CHST5: variants seen among roughly 807,000 people sequenced by gnomAD.
The protein encoded by CHST5 is GST4-alpha.
For synonymous variants in CHST5, 313 were observed against 279.2 expected (o/e 1.12, Z -1.21); for missense variants, 637 against 602.1 (o/e 1.06, Z -0.61).
In CHST5 at chr16:75,530,161, G is replaced by A. The variant is rs2080503691; in HGVS notation, c.224C>T (p.Ser75Leu). ...GCTGAAGAGCTGGCCCAAGAAGGATGAGCCCGAGCGCCACGAGGACAGCAC... is the reference window on the plus strand; with the variant it reads ...GCTGAAGAGCTGGCCCAAGAAGGATAAGCCCGAGCGCCACGAGGACAGCAC... ...VLVLSSWRSG[S>L]SFLGQLFSQH... Residue 75 changes from serine to leucine, a missense_variant, in exon 4 of 4, where the codon TCA becomes TTA. Transcript: ENST00000336257. The A allele has an allele frequency of 1.9e-6, 3 of 1,613,480 alleles. No individual in the cohort carries two copies. Among genetic ancestry groups the A allele is most frequent in the Admixed American group, 1.7e-5 (1 of 59,986 alleles).
rs2080514482 is a variant in CHST5 at position 75,530,965 on chromosome 16, C to A, written c.-581G>T. The A allele has an allele frequency of 1.0e-5, 10 of 1,002,928 alleles. No homozygotes were observed. The South Asian group carries it at 2.8e-4, about 28-fold the overall frequency. The allele number at this position is 1,002,928 out of a possible 1,614,324, so 62.1% of individuals were successfully genotyped here. On this transcript the variant is annotated 5_prime_UTR_variant, in exon 4 of 4. Coordinates refer to ENST00000336257, the MANE Select transcript of CHST5 (RefSeq NM_024533.5). ...AGGGAACACGCAGTCATGCCCATAA[C>A]TGAGGATTGCACCTTTTACAAGGTG...
At chr16:75,534,180 C>T (rs975200871) in intron 2 of CHST5, among the ~76,000 whole-genome samples, 5 of 151,522 alleles carry the variant, frequency 3.3e-5, no homozygotes, top group African/African-American at 9.7e-5. Flanking sequence ...GAAACCCCAT[C>T]GCTAAAATTA....
In CHST5 at chr16:75,533,138, A is replaced by G. The variant is rs1470912361; in HGVS notation, c.-1306T>C. 13 of 702,250 alleles carry G rather than the reference A, an allele frequency of 1.9e-5. No individual in the cohort carries two copies. Among genetic ancestry groups the G allele is most frequent in the South Asian group, 8.9e-5 (6 of 67,596 alleles). 43.5% of individuals were successfully genotyped at this position (702,250 alleles called of 1,614,324 possible). A position where few individuals can be genotyped will look rare whatever the true frequency, so the allele number is the denominator to read the frequency against. On this transcript the variant is annotated 5_prime_UTR_variant, in exon 3 of 4. Coordinates refer to ENST00000336257, the MANE Select transcript of CHST5 (RefSeq NM_024533.5). Reference sequence around the variant, plus strand: ...CTTCTTAAGGTGGTTGAATCACTCTATGCCACACAGAGTCTCCAGAAGACC... The same window carrying G: ...CTTCTTAAGGTGGTTGAATCACTCTGTGCCACACAGAGTCTCCAGAAGACC...
Position 75,530,374 on chromosome 16 carries a change from C to G in CHST5, c.11G>C (p.Arg4Thr). 1 of 1,541,990 alleles carries G rather than the reference C, an allele frequency of 6.5e-7. No individual in the cohort carries two copies. Among genetic ancestry groups the G allele is most frequent in the Non-Finnish European group, 8.8e-7 (1 of 1,142,354 alleles). The part of the protein sequence containing the change: MGM[R>T]ARVPKVAHST... ...GTGGGCAACTTTAGGGACCCGGGCCCTCATGCCCATCCCATGCCCCAATTA... is the reference window on the plus strand; with the variant it reads ...GTGGGCAACTTTAGGGACCCGGGCCGTCATGCCCATCCCATGCCCCAATTA... Residue 4 changes from arginine to threonine, a missense_variant, in exon 4 of 4, where the codon AGG becomes ACG. Arg to Thr is a moderately conservative substitution (Grantham distance 71, BLOSUM62 -1). Coordinates refer to ENST00000336257, the MANE Select transcript of CHST5 (RefSeq NM_024533.5).
Position 75,529,432 on chromosome 16 carries a change from G to C in CHST5, c.953C>G (p.Thr318Arg), listed in dbSNP as rs3826107. The C allele has an allele frequency of 4.9e-5, 79 of 1,612,928 alleles. No individual in the cohort carries two copies. Among genetic ancestry groups the C allele is most frequent in the Non-Finnish European group, 1.5e-5 (18 of 1,179,896 alleles). Residue 318 changes from threonine to arginine, a missense_variant, in exon 4 of 4, where the codon ACG (threonine) becomes AGG (arginine). Coordinates refer to ENST00000336257, the MANE Select transcript of CHST5 (RefSeq NM_024533.5). ...GTGGATCCAGGCCTCGAGCTGTGGC[G>C]TGAGGGTCAGGCCGGTGAAGGCGTA... ...ALYAFTGLTL[T>R]PQLEAWIHNI...
chr16:75,533,263 T>G, intron 2 of CHST5, 80 bp from the exon 3 acceptor site: 2 of 701,922 alleles, frequency 2.8e-6, no homozygotes, highest in Non-Finnish European at 5.2e-6. Flanking sequence ...AGCCAGGCCC[T>G]GTGATATGCA....
chr16:75,529,552 G>T lies in CHST5; in HGVS notation c.833C>A (p.Ala278Asp). ...CRSHVRIAEA[A>D]TLKPPPFLRG... ...CAGGAAGGGTGGCGGCTTGAGTGTG[G>T]CGGCCTCGGCGATGCGCACGTGGCT... The change falls in exon 4 of 4, where the codon GCC (alanine) becomes GAC (aspartate). Residue 278 changes from alanine to aspartate, a missense_variant. Transcript: ENST00000336257. The T allele has an allele frequency of 6.2e-7, 1 of 1,609,090 alleles. No homozygotes were observed.
At chr16:75,533,535 C>A (rs548679426) in intron 2 of CHST5, among the ~76,000 whole-genome samples, 48 of 152,198 alleles carry the variant, frequency 3.2e-4, no homozygotes, top group Middle Eastern at 3.4e-3. Flanking sequence ...TTTTTTGATT[C>A]TTTTCTGGGG....
In CHST5 at chr16:75,530,910, T is replaced by C; in HGVS notation, c.-526A>G. ...ACCTGGCTCACAGGATCTGGGGGGA[T>C]TGGGGGGTTATTATAATGAAGATGG... On this transcript the variant is annotated 5_prime_UTR_variant, in exon 4 of 4. Transcript: ENST00000336257. The C allele has an allele frequency of 2.0e-6, 2 of 993,248 alleles. No homozygotes were observed. The highest frequency in any genetic ancestry group is 2.4e-6 in the Non-Finnish European group (2 of 824,602). 61.5% of individuals were successfully genotyped at this position (993,248 alleles called of 1,614,324 possible).
At chr16:75,533,326 T>C (rs909813887) in intron 2 of CHST5, 143 bp from the exon 3 acceptor site, 7 of 676,108 alleles carry the variant, frequency 1.0e-5, no homozygotes, top group Non-Finnish European at 1.9e-5. Context: ...GAGGTAGAAA[T>C]AACCATCCCT....
chr16:75,531,089 G>T lies in CHST5; in HGVS notation c.-705C>A. On this transcript the variant is annotated 5_prime_UTR_variant, in exon 4 of 4. Coordinates refer to ENST00000336257, the MANE Select transcript of CHST5 (RefSeq NM_024533.5). ...TGTAATCCCAGCATTATGGGAGGCCGAGGCGGGCGGATCACGAGGTCAGGA... is the reference window on the plus strand; with the variant it reads ...TGTAATCCCAGCATTATGGGAGGCCTAGGCGGGCGGATCACGAGGTCAGGA... The T allele has an allele frequency of 5.1e-6, 5 of 971,836 alleles. No individual in the cohort carries two copies. The highest frequency in any genetic ancestry group is 6.2e-6 in the Non-Finnish European group (5 of 804,352). 60.2% of individuals were successfully genotyped at this position (971,836 alleles called of 1,614,324 possible).
Position 75,531,320 on chromosome 16 carries a change from CA to C in CHST5, c.-937del, listed in dbSNP as rs370791209. 52,215 of 726,854 alleles carry C rather than the reference CA, an allele frequency of 0.072. 1 individual carries two copies. Among genetic ancestry groups the C allele is most frequent in the Middle Eastern group, 0.09 (131 of 1,454 alleles). 45.0% of individuals were successfully genotyped at this position (726,854 alleles called of 1,614,324 possible). A position where few individuals can be genotyped will look rare whatever the true frequency, so the allele number is the denominator to read the frequency against. On this transcript the variant is annotated 5_prime_UTR_variant, in exon 4 of 4. An upstream open reading frame in the 5' UTR gains an earlier in-frame stop. Coordinates refer to ENST00000336257, the MANE Select transcript of CHST5 (RefSeq NM_024533.5). ...CTGAGTGAAGAGTGAGACTCCGTTT[CA>C]AAAAAAAAAAAAAAAACAACAAAAA...
Position 75,529,944 on chromosome 16 carries a change from C to A in CHST5, c.441G>T (p.Thr147=). Residue 147 remains threonine (T), a synonymous_variant, in exon 4 of 4, where the codon ACG becomes ACT. Coordinates refer to ENST00000336257, the MANE Select transcript of CHST5 (RefSeq NM_024533.5). ...CGGGCGGCGAGCACAGCGCGCGGCT[C>A]GTTGCCCAGTTGAAAAAGGCGGACA... ...RNLSAFFNWA[T]SRALCSPPAC... 1.2e-6 allele frequency: 2 copies of A among 1,613,264 alleles called. No individual in the cohort carries two copies. The highest frequency in any genetic ancestry group is 8.5e-7 in the Non-Finnish European group (1 of 1,179,942).
At position 75,529,773 on chromosome 16, in the gene CHST5, C is replaced by T; in HGVS notation, c.612G>A (p.Gln204=). Residue 204 remains glutamine, a synonymous_variant, in exon 4 of 4, where the codon CAG becomes CAA. Coordinates refer to ENST00000336257, the MANE Select transcript of CHST5 (RefSeq NM_024533.5). The part of the protein sequence containing the change: ...VLKEVRFFNL[Q]VLYPLLSDPA... The stretch of plus-strand genomic sequence containing the variant: ...GGTCGCTGAGCAGCGGGTAGAGCAC[C>T]TGCAGGTTGAAGAAGCGCACCTCCT... 1.2e-6 allele frequency: 2 copies of T among 1,613,742 alleles called. No homozygotes were observed. Among genetic ancestry groups the T allele is most frequent in the South Asian group, 2.2e-5 (2 of 91,088 alleles).
Position 75,529,833 on chromosome 16 carries a change from C to G in CHST5, c.552G>C (p.Arg184=), listed in dbSNP as rs1439455451. ...LCTRQPFSLA[R]EACRSYSHVV... ...CGTGGCTGTAGGAGCGGCAGGCCTC[C>G]CGGGCCAGGCTGAATGGCTGCCGCG... is the stretch of plus-strand genomic sequence containing the variant. Residue 184 remains arginine, a synonymous_variant, in exon 4 of 4, where the codon CGG becomes CGC. Transcript: ENST00000336257. The G allele has an allele frequency of 1.9e-6, 3 of 1,613,658 alleles. No individual in the cohort carries two copies. Among genetic ancestry groups the G allele is most frequent in the Non-Finnish European group, 2.5e-6 (3 of 1,179,924 alleles).
At chr16:75,533,911 G>A (rs985809815) in intron 2 of CHST5, among the ~76,000 whole-genome samples, 2 of 151,156 alleles carry the variant, frequency 1.3e-5, no homozygotes, top group Non-Finnish European at 2.9e-5. Flanking sequence ...CTGGTGGCAG[G>A]TGCCTGTAAT....
In CHST5 at chr16:75,529,530, G is replaced by A. The variant is rs375851697; in HGVS notation, c.855C>T (p.Phe285=). 25 of 1,610,012 alleles carry A rather than the reference G, an allele frequency of 1.6e-5. 1 individual carries two copies. Among genetic ancestry groups the A allele is most frequent in the Admixed American group, 1.2e-4 (7 of 59,930 alleles). Residue 285 remains phenylalanine, a synonymous_variant, in exon 4 of 4, where the codon TTC becomes TTT. Coordinates refer to ENST00000336257, the MANE Select transcript of CHST5 (RefSeq NM_024533.5). ...GCACCAGGCGGTAGCGGCCGCGCAG[G>A]AAGGGTGGCGGCTTGAGTGTGGCGG... ...AEAATLKPPP[F]LRGRYRLVRF...
At position 75,530,201 on chromosome 16, in the gene CHST5, G is replaced by C. The variant is rs773589026; in HGVS notation, c.184C>G (p.Arg62Gly). ...GAGGACAGCACCAGCACGTGCACAC[G>C]ATCCTCGCCGCCGGCTGGGGATGAG... ...GPSSPAGGED[R>G]VHVLVLSSWR... is the part of the protein sequence containing the mutation. Residue 62 changes from arginine (R) to glycine (G), a missense_variant, in exon 4 of 4, where the codon CGT becomes GGT. Arg to Gly is a moderately radical substitution (Grantham distance 125, BLOSUM62 -2). Coordinates refer to ENST00000336257, the MANE Select transcript of CHST5 (RefSeq NM_024533.5). The C allele has an allele frequency of 1.9e-6, 3 of 1,613,672 alleles. No homozygotes were observed. The highest frequency in any genetic ancestry group is 3.3e-5 in the Admixed American group (2 of 59,996).
Position 75,531,607 on chromosome 16 carries a change from G to A in CHST5, c.-1223C>T, listed in dbSNP as rs921825991. On this transcript the variant is annotated 5_prime_UTR_variant, in exon 4 of 4. Transcript: ENST00000336257. ...CCAGGGCTGCTGGGAGAGCTGCAAC[G>A]CTGATCACAAATCCATGGGAGATGT... The A allele has an allele frequency of 1.5e-5, 20 of 1,303,698 alleles. No individual in the cohort carries two copies. Among genetic ancestry groups the A allele is most frequent in the Admixed American group, 4.6e-5 (2 of 43,530 alleles). The allele number at this position is 1,303,698 out of a possible 1,614,324, so 80.8% of individuals were successfully genotyped here. A position where few individuals can be genotyped will look rare whatever the true frequency, so the allele number is the denominator to read the frequency against.
Sources: allele counts gnomAD v4.1 joint callset (sites outside exome capture counted in the v4.1 genomes callset), GRCh38; gene constraint gnomAD v4.1.1; transcripts MANE v1.5; gene names NCBI Gene and HGNC (gene_info 2026-07-23, HGNC 2026-07-21).